The following LRP1B variants were observed in gnomAD, a reference collection of about 807,000 sequenced individuals.
LRP1B encodes LDL receptor related protein 1B.
In LRP1B, 217 loss-of-function variants were observed where a neutral mutation model predicts 556.6. The ratio of observed to expected loss-of-function variants is 0.39; its 90% CI spans 0.35 to 0.44. LRP1B has a LOEUF of 0.44. LRP1B is among the 20% of genes least tolerant of loss of function. The pLI is 1.00. For synonymous variants in LRP1B, 2,047 were observed against 1,865.8 expected (o/e 1.10, Z -2.50); for missense variants, 5,053 against 5,620.8 (o/e 0.90, Z 3.23).
intron 25 of LRP1B, among the ~76,000 whole-genome samples, chr2:140,879,237 G>A (rs1167380399): frequency 6.6e-6 from 1 of 152,128 alleles, no homozygotes; most frequent in East Asian, 1.9e-4. Context: ...TAGTTGTGGA[G>A]AGTCCAACTA....
intron 1 of LRP1B, among the ~76,000 whole-genome samples, chr2:142,029,089 A>G (rs929313285): frequency 7.9e-5 from 12 of 151,018 alleles, no homozygotes; most frequent in African/African-American, 2.2e-4. Flanking sequence ...TTCTTGAATG[A>G]CTCTCCCTCT....
chr2:141,638,674 G>T (rs1480853763), intron 2 of LRP1B, among the ~76,000 whole-genome samples: 1 of 112,600 alleles, frequency 8.9e-6, no homozygotes, highest in South Asian at 2.7e-4. Flanking sequence ...ATTCATTCCT[G>T]GACCCAGGAG....
chr2:141,761,798 T>G (rs7598735), intron 2 of LRP1B, among the ~76,000 whole-genome samples: 146,777 of 152,178 alleles, frequency 0.96, 70,989 homozygotes, highest in Non-Finnish European at 1. Context: ...TGCAGGCCAA[T>G]CTAATATTGA....
chr2:141,038,139 T>TAAA (rs34603242), intron 11 of LRP1B, among the ~76,000 whole-genome samples: 6 of 148,918 alleles, frequency 4.0e-5, no homozygotes, highest in African/African-American at 1.2e-4. Context: ...TAAAAATAAT[T>TAAA]AAAAAAAAAA....
At chr2:141,416,656 T>C (rs998525231) in intron 3 of LRP1B, among the ~76,000 whole-genome samples, 5 of 152,092 alleles carry the variant, frequency 3.3e-5, no homozygotes, top group Non-Finnish European at 7.4e-5. Context: ...GTTTTCACCA[T>C]GTTGGCCAGG....
chr2:141,001,369 G>A (rs1360677816), intron 15 of LRP1B, among the ~76,000 whole-genome samples: 4 of 151,770 alleles, frequency 2.6e-5, no homozygotes, highest in Admixed American at 6.6e-5. Context: ...TGTGCACAAC[G>A]TGCAGGTTTG....
In LRP1B at chr2:141,305,152, T is replaced by A. The variant is rs1323327321; in HGVS notation, c.344-50511A>T. ...ATTGGCATTTTGATAGGGATTACAA[T>A]GAATCTGTAGACTGCTTTGGGTAGA... On this transcript the variant is annotated intron_variant, in intron 3 of 90. Transcript: ENST00000389484. 5.3e-5 allele frequency among the ~76,000 whole-genome samples: 8 copies of A among 152,170 alleles called. 1 individual carries two copies. Among genetic ancestry groups the A allele is most frequent in the Non-Finnish European group, 1.5e-5 (1 of 68,022 alleles).
intron 6 of LRP1B, among the ~76,000 whole-genome samples, chr2:141,219,483 G>A (rs766474357): frequency 2.2e-4 from 33 of 152,314 alleles, no homozygotes; most frequent in Admixed American, 9.8e-4. Flanking sequence ...AGGTGTGACC[G>A]TGATCTTGAA....
chr2:140,903,955 A>G (rs1694177676), intron 22 of LRP1B, among the ~76,000 whole-genome samples: 1 of 152,038 alleles, frequency 6.6e-6, no homozygotes, highest in Non-Finnish European at 1.5e-5. Context: ...TACATATATA[A>G]TGTGATTAGC....
At chr2:141,832,236 A>C (rs1449063194) in intron 1 of LRP1B, among the ~76,000 whole-genome samples, 1 of 151,010 alleles carries the variant, frequency 6.6e-6, no homozygotes, top group Non-Finnish European at 1.5e-5. Flanking sequence ...CATTTGTACA[A>C]TTACGGTTTC....
intron 11 of LRP1B, among the ~76,000 whole-genome samples, chr2:141,043,083 T>C (rs1202463256): frequency 1.3e-5 from 2 of 149,986 alleles, no homozygotes; most frequent in African/African-American, 2.4e-5. Flanking sequence ...CACACCTGTG[T>C]TCCTAGCCAC....
intron 1 of LRP1B, among the ~76,000 whole-genome samples, chr2:141,963,294 C>T (rs562572404): frequency 7.2e-5 from 11 of 151,932 alleles, no homozygotes; most frequent in African/African-American, 2.7e-4. Flanking sequence ...AATATGAATA[C>T]ATCAATTTCA....
At chr2:142,105,419 G>T (rs938266297) in intron 1 of LRP1B, among the ~76,000 whole-genome samples, 1 of 152,050 alleles carries the variant, frequency 6.6e-6, no homozygotes, top group East Asian at 1.9e-4. Flanking sequence ...ATTAAATAGG[G>T]CTAGATATGG....
At chr2:140,509,083 A>AAAC (rs1689543104) in intron 52 of LRP1B, among the ~76,000 whole-genome samples, 96 of 148,900 alleles carry the variant, frequency 6.4e-4, no homozygotes, top group African/African-American at 1.9e-3. Context: ...CACACACACA[A>AAAC]ACACACACAC....
chr2:141,205,062 A>G (rs907352846), intron 6 of LRP1B, among the ~76,000 whole-genome samples: 1 of 152,206 alleles, frequency 6.6e-6, no homozygotes, highest in Non-Finnish European at 1.5e-5. Context: ...TTTTAAAAAC[A>G]TTGGTTTACA....
chr2:140,865,669 A>G (rs1002172428), intron 27 of LRP1B, among the ~76,000 whole-genome samples: 6 of 152,192 alleles, frequency 3.9e-5, no homozygotes, highest in Admixed American at 2.0e-4. Context: ...CATTTAGGAA[A>G]TAGCAAGTTC....
chr2:141,450,456 T>TAAAG (rs1465613282), intron 3 of LRP1B, among the ~76,000 whole-genome samples: 1 of 152,120 alleles, frequency 6.6e-6, no homozygotes, highest in Admixed American at 6.6e-5. Context: ...TTGATGTGTA[T>TAAAG]AAAGTACTTA....
intron 7 of LRP1B, among the ~76,000 whole-genome samples, chr2:141,120,641 G>T (rs1019849332): frequency 1.3e-5 from 2 of 151,944 alleles, no homozygotes; most frequent in African/African-American, 4.8e-5. Flanking sequence ...TGAATCTGAA[G>T]TTTCTGGTAG....
intron 68 of LRP1B, 103 bp downstream of exon 68, chr2:140,378,077 G>A (rs1388121093): frequency 5.6e-6 from 4 of 720,550 alleles, no homozygotes. Flanking sequence ...CAGGAGCAAA[G>A]TATTTCTGAG....
Sources: allele counts gnomAD v4.1 joint callset (sites outside exome capture counted in the v4.1 genomes callset), GRCh38; gene constraint gnomAD v4.1.1; transcripts MANE v1.5; gene names NCBI Gene and HGNC (gene_info 2026-07-23, HGNC 2026-07-21).